Variants in PTPRD observed in about 807,000 individuals in gnomAD.
PTPRD encodes receptor-type tyrosine-protein phosphatase delta.
PTPRD carries 34 observed loss-of-function variants against 214.5 expected under a neutral mutation model. The observed-to-expected ratio is 0.16, with a 90% CI of 0.12 to 0.21. The LOEUF is 0.21. Ranked by LOEUF, PTPRD falls within the 10% of genes least tolerant of loss-of-function variation. The pLI, the probability that PTPRD is intolerant of heterozygous loss-of-function variation, is 1.00. For synonymous variants in PTPRD, 1,128 were observed against 845.7 expected, an observed-to-expected ratio of 1.33 and a Z score of -5.79; for missense variants, 2,545 against 2,398.7, an observed-to-expected ratio of 1.06 and a Z score of -1.27.
At chr9:8,633,531 G>A (rs2154321267) in intron 13 of PTPRD, 73 bp from the exon 14 acceptor site, 2 of 1,530,048 alleles carry the variant, frequency 1.3e-6, no homozygotes, top group African/African-American at 1.4e-5. Flanking sequence ...TCTCAATACA[G>A]TGGTGGATCC....
intron 8 of PTPRD, among the ~76,000 whole-genome samples, chr9:9,549,110 AGATAAG>A (rs1388441218): frequency 2.0e-5 from 3 of 152,158 alleles, no homozygotes; most frequent in Non-Finnish European, 2.9e-5. Context: ...AATATTTTTT[AGATAAG>A]AAATAGAAAG....
chr9:10,266,045 A>C (rs143973436), intron 3 of PTPRD, among the ~76,000 whole-genome samples: 2,008 of 152,290 alleles, frequency 0.013, 50 homozygotes, highest in African/African-American at 0.046. Flanking sequence ...ATATAAATAT[A>C]ACTAAAACTT....
chr9:9,744,775 T>C (rs1385405980), intron 6 of PTPRD, among the ~76,000 whole-genome samples: 1 of 152,112 alleles, frequency 6.6e-6, no homozygotes, highest in Non-Finnish European at 1.5e-5. Flanking sequence ...TAGTAAGTGC[T>C]AGATAAATAC....
chr9:10,109,485 T>G (rs1186005411), intron 3 of PTPRD, among the ~76,000 whole-genome samples: 2 of 152,194 alleles, frequency 1.3e-5, no homozygotes. Context: ...ACCTACTACT[T>G]TAAATAAATG....
chr9:9,500,407 G>C (rs2096369742), intron 8 of PTPRD, among the ~76,000 whole-genome samples: 1 of 152,048 alleles, frequency 6.6e-6, no homozygotes, highest in Non-Finnish European at 1.5e-5. Flanking sequence ...CTTCCCAGCA[G>C]AATTTTCCTG....
At chr9:10,339,037 G>T (rs1307381123) in intron 3 of PTPRD, among the ~76,000 whole-genome samples, 6 of 151,686 alleles carry the variant, frequency 4.0e-5, no homozygotes, top group Non-Finnish European at 1.5e-5. Context: ...GTCATTACTT[G>T]CAAGATCATA....
Position 10,200,274 on chromosome 9 carries a change from C to A in PTPRD, c.-545+140689G>T, listed in dbSNP as rs941536902. On this transcript the variant is annotated intron_variant, in intron 3 of 45. Transcript: ENST00000381196. ...AATCTGTTTCCCATAGACTGATAAGCTGACTGGTATAACATATAGATCAGT... is the reference window on the plus strand; with the variant it reads ...AATCTGTTTCCCATAGACTGATAAGATGACTGGTATAACATATAGATCAGT... 7.2e-5 allele frequency among the ~76,000 whole-genome samples: 11 copies of A among 152,188 alleles called. No individual in the cohort carries two copies. In the South Asian group the frequency reaches 2.3e-3, roughly 32 times the overall value.
chr9:9,071,784 A>C (rs2154410077), intron 10 of PTPRD, among the ~76,000 whole-genome samples: 1 of 152,280 alleles, frequency 6.6e-6, no homozygotes. Flanking sequence ...TGATTCATAA[A>C]AACTGGGAGA....
At chr9:9,000,331 CT>C (rs2099413086) in intron 11 of PTPRD, among the ~76,000 whole-genome samples, 2 of 151,946 alleles carry the variant, frequency 1.3e-5, no homozygotes, top group South Asian at 2.1e-4. Flanking sequence ...TAAAATCTCT[CT>C]TTTGCAAAGC....
At chr9:10,065,167 G>GAAAGAAAGAAAGAAA (rs2097853402) in intron 3 of PTPRD, among the ~76,000 whole-genome samples, 1 of 150,708 alleles carries the variant, frequency 6.6e-6, no homozygotes, top group Admixed American at 6.7e-5. Context: ...AAGAAAGAAA[G>GAAAGAAAGAAAGAAA]AAAGAAAGAA....
intron 7 of PTPRD, among the ~76,000 whole-genome samples, chr9:9,593,162 A>G (rs2092925182): frequency 6.6e-6 from 1 of 151,574 alleles, no homozygotes; most frequent in Non-Finnish European, 1.5e-5. Context: ...AAAAGAAAAA[A>G]GAAAAATGAA....
At chr9:9,900,644 T>TTTTTTTTTGTTTTTTTTAG (rs369510362) in intron 5 of PTPRD, among the ~76,000 whole-genome samples, 2 of 143,860 alleles carry the variant, frequency 1.4e-5, no homozygotes, top group Non-Finnish European at 3.0e-5. Context: ...TTTTCAGGTT[T>TTTTTTTTTGTTTTTTTTAG]TTTTTTTTTT....
At chr9:10,396,692 G>A (rs1587173838) in intron 2 of PTPRD, among the ~76,000 whole-genome samples, 1 of 151,996 alleles carries the variant, frequency 6.6e-6, no homozygotes, top group South Asian at 2.1e-4. Flanking sequence ...AATAACTGCA[G>A]ATTTCATTTA....
chr9:9,699,659 T>A (rs1043074486), intron 7 of PTPRD, among the ~76,000 whole-genome samples: 3 of 152,202 alleles, frequency 2.0e-5, no homozygotes, highest in African/African-American at 4.8e-5. Context: ...AGTGCCTTGG[T>A]CACAACAGCA....
intron 5 of PTPRD, among the ~76,000 whole-genome samples, chr9:9,936,602 T>C (rs1267435798): frequency 1.5e-5 from 2 of 134,588 alleles, no homozygotes; most frequent in East Asian, 5.4e-4. Flanking sequence ...TGTGGAGAAA[T>C]AGGAACACTT....
At chr9:8,499,482 A>G (rs1397948222) in intron 25 of PTPRD, among the ~76,000 whole-genome samples, 165 bp downstream of exon 25, 1 of 152,226 alleles carries the variant, frequency 6.6e-6, no homozygotes, top group African/African-American at 2.4e-5. Context: ...CTCACTTGAT[A>G]GTAACTCTGA....
intron 11 of PTPRD, among the ~76,000 whole-genome samples, chr9:9,000,242 T>A (rs557524174): frequency 1.3e-5 from 2 of 152,172 alleles, no homozygotes; most frequent in South Asian, 4.1e-4. Flanking sequence ...GCAGTCCTGC[T>A]ACCATCCAAG....
chr9:9,716,010 C>A (rs1051947600), intron 7 of PTPRD, among the ~76,000 whole-genome samples: 5 of 152,194 alleles, frequency 3.3e-5, no homozygotes, highest in East Asian at 3.9e-4. Flanking sequence ...CCTCTCCCCC[C>A]ACCCCACAAC....
intron 9 of PTPRD, among the ~76,000 whole-genome samples, chr9:9,214,275 G>C (rs1368078779): frequency 6.6e-6 from 1 of 152,174 alleles, no homozygotes; most frequent in African/African-American, 2.4e-5. Flanking sequence ...CCCCGATATG[G>C]TCCAGTGGAA....
Sources: gnomAD v4.1 joint callset for allele counts (sites outside exome capture counted in the v4.1 genomes callset) on GRCh38, gnomAD v4.1.1 for gene constraint, MANE v1.5 for transcripts, NCBI Gene and HGNC (gene_info 2026-07-23, HGNC 2026-07-21) for gene names.